Variants in CSMD3 observed in about 807,000 individuals in gnomAD.
CSMD3 encodes CUB and sushi domain-containing protein 3.
A neutral mutation model predicts 435.2 loss-of-function variants in CSMD3; 177 were observed. The observed-to-expected ratio is 0.41, with a 90% CI of 0.36 to 0.46. The LOEUF (loss-of-function observed/expected upper bound fraction) is 0.46. CSMD3 is among the 20% of genes least tolerant of loss of function. The pLI is 0.34. For synonymous variants in CSMD3, 1,656 were observed against 1,520.5 expected (o/e 1.09, Z -2.07); for missense variants, 4,265 against 4,504.6 (o/e 0.95, Z 1.52).
intron 32 of CSMD3, among the ~76,000 whole-genome samples, chr8:112,414,411 T>C (rs1352104977): frequency 6.6e-6 from 1 of 152,204 alleles, no homozygotes; most frequent in African/African-American, 2.4e-5. Context: ...TGCTGCCACA[T>C]GAAGAAGGTG....
intron 16 of CSMD3, among the ~76,000 whole-genome samples, chr8:112,670,097 T>C (rs1440993884): frequency 1.3e-5 from 2 of 152,192 alleles, no homozygotes; most frequent in African/African-American, 4.8e-5. Context: ...AGGAAATGAA[T>C]AAATGTTTCA....
chr8:112,514,880 T>G (rs1355236572), intron 28 of CSMD3, among the ~76,000 whole-genome samples: 1 of 152,008 alleles, frequency 6.6e-6, no homozygotes, highest in Non-Finnish European at 1.5e-5. Flanking sequence ...TTCTGCAGCC[T>G]TAGCAATTTT....
chr8:112,939,307 A>T (rs1242337914), intron 9 of CSMD3, among the ~76,000 whole-genome samples: 1 of 152,108 alleles, frequency 6.6e-6, no homozygotes, highest in Non-Finnish European at 1.5e-5. Context: ...TTAAATCTTC[A>T]TTCATTGGGA....
intron 13 of CSMD3, among the ~76,000 whole-genome samples, chr8:112,691,372 A>C (rs2076134105): frequency 6.6e-6 from 1 of 152,084 alleles, no homozygotes; most frequent in Non-Finnish European, 1.5e-5. Context: ...GTAATTTTCC[A>C]CATTTTACTA....
chr8:113,358,227 T>C (rs1026238253), intron 1 of CSMD3, among the ~76,000 whole-genome samples: 6 of 152,244 alleles, frequency 3.9e-5, no homozygotes, highest in African/African-American at 1.4e-4. Flanking sequence ...GTAATACAAC[T>C]AAATTATTTC....
At chr8:112,659,061 G>A (rs7814711) in intron 17 of CSMD3, among the ~76,000 whole-genome samples, 116,533 of 152,158 alleles carry the variant, frequency 0.77, 45,251 homozygotes, top group African/African-American at 0.89. Context: ...TCAGCTGACA[G>A]CAGCCAAATT....
At chr8:112,654,284 A>G (rs2075203465) in intron 18 of CSMD3, among the ~76,000 whole-genome samples, 2 of 152,176 alleles carry the variant, frequency 1.3e-5, no homozygotes, top group Non-Finnish European at 2.9e-5. Flanking sequence ...AAACAGTAAG[A>G]AAGAGATGAA....
chr8:112,992,474 A>G (rs746694708), intron 6 of CSMD3, among the ~76,000 whole-genome samples: 5 of 151,826 alleles, frequency 3.3e-5, no homozygotes, highest in African/African-American at 1.2e-4. Flanking sequence ...TTGGTCTATC[A>G]TCTCAAAGAA....
chr8:113,387,561 T>C (rs1325451413), intron 1 of CSMD3, among the ~76,000 whole-genome samples: 1 of 151,612 alleles, frequency 6.6e-6, no homozygotes, highest in Non-Finnish European at 1.5e-5. Context: ...TTAGAGGAAG[T>C]AAAATATGTA....
intron 2 of CSMD3, among the ~76,000 whole-genome samples, chr8:113,280,972 T>C (rs1415794892): frequency 6.6e-6 from 1 of 151,974 alleles, no homozygotes; most frequent in Non-Finnish European, 1.5e-5. Flanking sequence ...TATTGAGGGT[T>C]CCTTTTGGAG....
chr8:113,262,588 C>A, intron 3 of CSMD3, among the ~76,000 whole-genome samples: 1 of 151,916 alleles, frequency 6.6e-6, no homozygotes, highest in East Asian at 1.9e-4. Context: ...TTTTAGCCAA[C>A]TAAAGAGGGA....
At chr8:112,839,574 A>G (rs887392017) in intron 11 of CSMD3, among the ~76,000 whole-genome samples, 3 of 151,778 alleles carry the variant, frequency 2.0e-5, no homozygotes, top group Non-Finnish European at 4.4e-5. Flanking sequence ...TATTCATTAC[A>G]AATTTGTATA....
intron 32 of CSMD3, among the ~76,000 whole-genome samples, chr8:112,409,495 T>C (rs978014423): frequency 4.6e-5 from 7 of 152,028 alleles, no homozygotes; most frequent in African/African-American, 1.4e-4. Context: ...TATTCCATTA[T>C]GAGTAATAAT....
chr8:112,986,227 GT>G (rs1185860976), intron 6 of CSMD3, among the ~76,000 whole-genome samples: 5 of 152,076 alleles, frequency 3.3e-5, no homozygotes, highest in Non-Finnish European at 5.9e-5. Context: ...GTATAAAAAT[GT>G]TTCTTTTCTA....
intron 23 of CSMD3, among the ~76,000 whole-genome samples, chr8:112,582,400 T>C (rs1830397226): frequency 6.6e-6 from 1 of 151,684 alleles, no homozygotes; most frequent in African/African-American, 2.4e-5. Flanking sequence ...TATTTCTTTA[T>C]AGCAATGTAA....
chr8:112,380,450 G>C lies in CSMD3; in HGVS notation c.6038C>G (p.Thr2013Arg). The C allele has an allele frequency of 6.5e-7, 1 of 1,532,730 alleles. No homozygotes were observed. The highest frequency in any genetic ancestry group is 9.0e-7 in the Non-Finnish European group (1 of 1,106,494). 94.9% of individuals were successfully genotyped at this position (1,532,730 alleles called of 1,614,324 possible). Residue 2013 changes from threonine (T) to arginine (R), a missense_variant, in exon 38 of 71, where the codon ACA (threonine) becomes AGA (arginine). Thr to Arg is a moderately conservative substitution (Grantham distance 71, BLOSUM62 -1). Transcript: ENST00000297405. ...APRLGSYSGT[T>R]IPHLLNSTSN... is the part of the protein sequence containing the mutation. ...CGTACTATTCAAAAGATGGGGTATT[G>C]TTGTTCCTGAAATGATATATGAGAA...
chr8:112,355,854 T>TA (rs912735499), intron 38 of CSMD3, among the ~76,000 whole-genome samples: 2 of 151,104 alleles, frequency 1.3e-5, no homozygotes, highest in African/African-American at 2.4e-5. Context: ...AGATAAAAAA[T>TA]AAAAAAATAA....
intron 32 of CSMD3, among the ~76,000 whole-genome samples, chr8:112,414,149 G>A (rs926152155): frequency 6.6e-6 from 1 of 151,988 alleles, no homozygotes. Context: ...CTTCTCTACT[G>A]CGAAACCCAT....
intron 32 of CSMD3, 105 bp downstream of exon 32, chr8:112,472,486 C>T (rs1405890162): frequency 1.2e-5 from 9 of 762,744 alleles, no homozygotes; most frequent in Non-Finnish European, 2.2e-5. Flanking sequence ...TAGTAAAATA[C>T]TTTATGGATA....
Sources: allele counts gnomAD v4.1 joint callset (sites outside exome capture counted in the v4.1 genomes callset), GRCh38; gene constraint gnomAD v4.1.1; transcripts MANE v1.5; gene names NCBI Gene and HGNC (gene_info 2026-07-23, HGNC 2026-07-21).